The following VIPR1 variants were observed in gnomAD, a reference collection of about 807,000 sequenced individuals.
The protein encoded by VIPR1 is vasoactive intestinal polypeptide receptor 1.
In VIPR1, 59 loss-of-function variants were observed where a neutral mutation model predicts 58.8. That is an observed-to-expected ratio of 1.00 (90% CI 0.81 to 1.25). The LOEUF is 1.25. Ranked by LOEUF, VIPR1 falls within the 50% of genes most tolerant of loss-of-function variation. The pLI is 0.00. For synonymous variants in VIPR1, 251 were observed against 242.1 expected, an observed-to-expected ratio of 1.04 and a Z score of -0.34; for missense variants, 626 against 602.7, an observed-to-expected ratio of 1.04 and a Z score of -0.40.
intron 1 of VIPR1, among the ~76,000 whole-genome samples, chr3:42,491,999 A>G (rs1360256408): frequency 6.6e-6 from 1 of 152,196 alleles, no homozygotes; most frequent in Non-Finnish European, 1.5e-5. Context: ...GTGAGGGATA[A>G]GTTAAAGATG....
intron 2 of VIPR1, 140 bp downstream of exon 2, chr3:42,513,994 A>T (rs1700493502): frequency 1.0e-6 from 1 of 955,712 alleles, no homozygotes; most frequent in South Asian, 1.7e-5. Context: ...CAGATGGAAG[A>T]AGAAAGGGGC....
chr3:42,499,204 C>A (rs756439809), upstream of VIPR1, among the ~76,000 whole-genome samples: 1 of 149,872 alleles, frequency 6.7e-6, no homozygotes, highest in Admixed American at 6.7e-5. Context: ...TGGCCTCCAG[C>A]GTACAGGTCA....
intron 1 of VIPR1, among the ~76,000 whole-genome samples, chr3:42,504,902 CAAAAAAAA>C (rs56310463): frequency 5.7e-5 from 3 of 52,962 alleles, no homozygotes; most frequent in Non-Finnish European, 7.4e-5. Context: ...AAAAGGGAGG[CAAAAAAAA>C]AAAAAAAAAA....
chr3:42,514,717 A>T (rs1033942837), intron 2 of VIPR1, among the ~76,000 whole-genome samples: 4 of 152,092 alleles, frequency 2.6e-5, no homozygotes, highest in African/African-American at 9.7e-5. Context: ...GGGGCTGAGC[A>T]CATGAGGGCC....
At chr3:42,527,626 C>G in intron 5 of VIPR1, 130 bp downstream of exon 5, 1 of 839,016 alleles carries the variant, frequency 1.2e-6, no homozygotes, top group Non-Finnish European at 1.9e-6. Flanking sequence ...TACTCCCCAG[C>G]TCCTGCCAGG....
Position 42,526,008 on chromosome 3 carries a change from A to G in VIPR1, c.399+15A>G, listed in dbSNP as rs950470899. The G allele has an allele frequency of 2.5e-6, 4 of 1,602,788 alleles. No individual in the cohort carries two copies. The African/African-American group carries it at 5.4e-5, about 21-fold the overall frequency. On this transcript the variant is annotated intron_variant, in intron 4 of 12. Coordinates refer to ENST00000325123, the MANE Select transcript of VIPR1 (RefSeq NM_004624.4). ...GTTTGGATGAGGTGGGTCTCAGGGC[A>G]CCCCCACCTCACCTGCAGAGCGCCG...
At chr3:42,519,173 G>A (rs1258619344) in intron 2 of VIPR1, 50 bp from the exon 3 acceptor site, 1 of 1,454,386 alleles carries the variant, frequency 6.9e-7, no homozygotes, top group Non-Finnish European at 9.2e-7. Flanking sequence ...CCCAGGGCTG[G>A]AGGCACCTGC....
upstream of VIPR1, chr3:42,502,637 A>G: frequency 1.1e-6 from 1 of 945,038 alleles, no homozygotes; most frequent in Non-Finnish European, 1.4e-6. Context: ...CCACAGCGCC[A>G]GCGCCACTCT....
At chr3:42,522,079 G>A (rs704969) in intron 3 of VIPR1, among the ~76,000 whole-genome samples, 33,479 of 78,462 alleles carry the variant, frequency 0.43, 6,337 homozygotes, top group African/African-American at 0.65. Flanking sequence ...TTCTACCTTC[G>A]AATATATATA....
intron 3 of VIPR1, among the ~76,000 whole-genome samples, chr3:42,519,758 G>A (rs532620438): frequency 2.0e-5 from 3 of 152,306 alleles, no homozygotes; most frequent in Admixed American, 1.3e-4. Flanking sequence ...AGGCAGAAAA[G>A]AAAAGGGGGA....
In VIPR1 at chr3:42,496,098, G is replaced by A. The variant is rs868158179; in HGVS notation, c.-245+6420G>A. The stretch of plus-strand genomic sequence containing the variant: ...CTAAAAATACAAAAATTAGCCAGGC[G>A]TGGTGGCGTGTGCCTGTAATCCCAG... On this transcript the variant is annotated intron_variant, in intron 1 of 13. Transcript: ENST00000433647. Among the ~76,000 whole-genome samples, 5 of 152,208 alleles carry A rather than the reference G, an allele frequency of 3.3e-5. No individual in the cohort carries two copies. In the South Asian group the frequency reaches 8.3e-4, roughly 25 times the overall value.
At chr3:42,496,610 C>T in intron 1 of VIPR1, among the ~76,000 whole-genome samples, 1 of 152,158 alleles carries the variant, frequency 6.6e-6, no homozygotes, top group East Asian at 1.9e-4. Flanking sequence ...GAGGCTATAG[C>T]ATTAGAGGCA....
intron 1 of VIPR1, among the ~76,000 whole-genome samples, chr3:42,494,097 C>T (rs1276617367): frequency 1.3e-5 from 2 of 152,210 alleles, no homozygotes; most frequent in South Asian, 2.1e-4. Flanking sequence ...GTGGGGCAGC[C>T]GTGGTTTGTC....
upstream of VIPR1, among the ~76,000 whole-genome samples, chr3:42,499,383 A>G (rs1699824296): frequency 6.6e-6 from 1 of 152,214 alleles, no homozygotes; most frequent in African/African-American, 2.4e-5. Context: ...GCAGGCTCAG[A>G]ATGAGTAACT....
At position 42,519,429 on chromosome 3, in the gene VIPR1, G is replaced by A. The variant is rs918537305; in HGVS notation, c.292+99G>A. ...AAAGGCAAAGGAAAGTGGTCAAAGA[G>A]GCTGGAGCAATCCGAGGGACTCCCT... On this transcript the variant is annotated intron_variant, in intron 3 of 12. Coordinates refer to ENST00000325123, the MANE Select transcript of VIPR1 (RefSeq NM_004624.4). 5.6e-6 allele frequency: 6 copies of A among 1,079,154 alleles called. No homozygotes were observed. The African/African-American group carries it at 8.1e-5, about 15-fold the overall frequency. 66.8% of individuals were successfully genotyped at this position (1,079,154 alleles called of 1,614,324 possible). A position where few individuals can be genotyped will look rare whatever the true frequency, so the allele number is the denominator to read the frequency against.
rs1335429852 is a variant in VIPR1, at chr3:42,519,236, G to A, written c.198G>A (p.Met66Ile). 2.5e-6 allele frequency: 4 copies of A among 1,609,272 alleles called. No individual in the cohort carries two copies. The highest frequency in any genetic ancestry group is 3.4e-6 in the Non-Finnish European group (4 of 1,177,898). ...LENETIGCSK[M>I]WDNLTCWPAT... ...TTACCCCCATAGGCTGCAGCAAGAT[G>A]TGGGACAACCTCACCTGCTGGCCAG... is the stretch of plus-strand genomic sequence containing the variant. Residue 66 changes from methionine (M) to isoleucine (I), a missense_variant, in exon 3 of 13, where the codon ATG becomes ATA. Coordinates refer to ENST00000325123, the MANE Select transcript of VIPR1 (RefSeq NM_004624.4).
intron 1 of VIPR1, among the ~76,000 whole-genome samples, chr3:42,511,374 G>A (rs1238845045): frequency 6.6e-6 from 1 of 152,158 alleles, no homozygotes; most frequent in Non-Finnish European, 1.5e-5. Context: ...CTGGCTCTGA[G>A]TAGCCTGACT....
chr3:42,527,020 C>T lies in VIPR1; in HGVS notation c.400-373C>T, dbSNP rs536844779. Among the ~76,000 whole-genome samples, 113 of 152,264 alleles carry T rather than the reference C, an allele frequency of 7.4e-4. 1 individual carries two copies. Among genetic ancestry groups the T allele is most frequent in the African/African-American group, 2.6e-3 (108 of 41,542 alleles). ...GGGTGTCTGAAGGGCAAGCAGACCC[C>T]ACCCCTAGGGTGCCCAGCTCAGAGC... is the stretch of plus-strand genomic sequence containing the variant. On this transcript the variant is annotated intron_variant, in intron 4 of 12. Transcript: ENST00000325123.
In VIPR1 at chr3:42,535,397, C is replaced by T; in HGVS notation, c.1182+13C>T. On this transcript the variant is annotated intron_variant, in intron 12 of 12. Coordinates refer to ENST00000325123, the MANE Select transcript of VIPR1 (RefSeq NM_004624.4). ...CCTCAATGGTGAGGTAAGCCCCTCC[C>T]AGTCCTTGGGGCTTAGGCAATGGAA... is the stretch of plus-strand genomic sequence containing the variant. 1 of 1,613,606 alleles carries T rather than the reference C, an allele frequency of 6.2e-7. No homozygotes were observed. The highest frequency in any genetic ancestry group is 1.1e-5 in the South Asian group (1 of 91,066).
Sources: allele counts gnomAD v4.1 joint callset (sites outside exome capture counted in the v4.1 genomes callset), GRCh38; gene constraint gnomAD v4.1.1; transcripts MANE v1.5; gene names NCBI Gene and HGNC (gene_info 2026-07-23, HGNC 2026-07-21).